MACF1: variants seen among roughly 807,000 people sequenced by gnomAD.
MACF1 encodes microtubule-actin cross-linking factor 1.
A neutral mutation model predicts 854.8 loss-of-function variants in MACF1; 193 were observed. That is an observed-to-expected ratio of 0.23 (90% CI 0.20 to 0.25). The LOEUF (loss-of-function observed/expected upper bound fraction) is 0.25. Among genes scored for constraint, MACF1 ranks in the 10% least tolerant of loss-of-function variants. The probability of loss-of-function intolerance (pLI) is 1.00; values close to 1 mark genes in which losing one functional copy is unlikely to be tolerated. For synonymous variants in MACF1, 3,185 were observed against 3,226.7 expected (o/e 0.99, Z 0.44); for missense variants, 7,722 against 8,929.1 (o/e 0.86, Z 5.45).
chr1:39,405,791 A>G (rs988569096), intron 58 of MACF1, among the ~76,000 whole-genome samples: 2 of 152,184 alleles, frequency 1.3e-5, no homozygotes, highest in Admixed American at 1.3e-4. Context: ...TTGTGGTTAC[A>G]GGGGTGGGGG....
At chr1:39,289,823 T>A (rs566807260) in intron 15 of MACF1, among the ~76,000 whole-genome samples, 1 of 146,220 alleles carries the variant, frequency 6.8e-6, no homozygotes, top group African/African-American at 2.5e-5. Flanking sequence ...TGCCTCAGCC[T>A]CCCAAGTAGC....
chr1:39,192,417 T>C lies in MACF1; in HGVS notation c.221-38765T>C, dbSNP rs1297680734. Among the ~76,000 whole-genome samples the C allele has an allele frequency of 3.9e-5, 6 of 152,244 alleles. No individual in the cohort carries two copies. The East Asian group carries it at 1.2e-3, about 29-fold the overall frequency. ...CTGCTATTTTCTCTATAAGGACTCA[T>C]CACAAAACCATAAATACTGACGATC... On this transcript the variant is annotated intron_variant, in intron 2 of 93. Coordinates refer to the MACF1 transcript ENST00000361689.
chr1:39,090,563 G>C (rs1406811528), intron 2 of MACF1, among the ~76,000 whole-genome samples: 1 of 152,210 alleles, frequency 6.6e-6, no homozygotes, highest in Non-Finnish European at 1.5e-5. Context: ...GGATTGCAAG[G>C]TGTAATGCCA....
At chr1:39,205,342 T>A (rs74904033) in intron 1 of MACF1, among the ~76,000 whole-genome samples, 3 of 152,252 alleles carry the variant, frequency 2.0e-5, no homozygotes, top group African/African-American at 7.2e-5. Context: ...TGCTCTTTTC[T>A]GTTCTGTGAG....
At chr1:39,310,558 G>T in intron 25 of MACF1, 130 bp downstream of exon 25, 1 of 1,004,356 alleles carries the variant, frequency 1.0e-6, no homozygotes. Flanking sequence ...ACGAACTTGA[G>T]ATAGAGAAGA....
chr1:39,146,219 G>T (rs193284438), intron 2 of MACF1, among the ~76,000 whole-genome samples: 6 of 152,254 alleles, frequency 3.9e-5, no homozygotes, highest in Non-Finnish European at 8.8e-5. Flanking sequence ...GAGGTGGGTG[G>T]ATCATTTGAG....
intron 58 of MACF1, chr1:39,414,291 TTC>T: frequency 6.2e-7 from 1 of 1,614,020 alleles, no homozygotes; most frequent in Non-Finnish European, 8.5e-7. Context: ...TCCTGGGAGT[TTC>T]TGCCCACACT....
rs773195922 is a variant in MACF1 at position 39,387,658 on chromosome 1, A to T, written c.14816A>T (p.Glu4939Val). 2 of 1,614,214 alleles carry T rather than the reference A, an allele frequency of 1.2e-6. No homozygotes were observed. The highest frequency in any genetic ancestry group is 1.7e-6 in the Non-Finnish European group (2 of 1,180,034). The change falls in exon 58 of 101, where the codon GAG becomes GTG. Residue 4939 changes from glutamate to valine, a missense_variant. Around this residue, in one of 15 missense-constraint regions of MACF1, gnomAD observed 2,807 missense variants for 3,235.8 expected, o/e 0.87. Coordinates refer to ENST00000564288, the MANE Select transcript of MACF1 (RefSeq NM_001394062.1). Reference protein sequence around the residue: ...LRVTLDPVQLESSLLRSKAML... With the variant: ...LRVTLDPVQLVSSLLRSKAML... ...GTCACTCTGGATCCAGTGCAGCTAG[A>T]GTCCAGTCTCCTAAGATCAAAGGCT...
rs1164800117 is a variant in MACF1, at chr1:39,105,262, C to G, written c.220+20824C>G. 2.5e-6 allele frequency: 1 copy of G among 393,282 alleles called. No individual in the cohort carries two copies. Among genetic ancestry groups the G allele is most frequent in the Non-Finnish European group, 3.5e-6 (1 of 289,628 alleles). 24.4% of individuals were successfully genotyped at this position (393,282 alleles called of 1,614,324 possible). ...CTGGGGCCGAGGACTCGCCGGGACCCGGAGGCGGCGGGGAGAGGGGGCGGG... is the reference window on the plus strand; with the variant it reads ...CTGGGGCCGAGGACTCGCCGGGACCGGGAGGCGGCGGGGAGAGGGGGCGGG... On this transcript the variant is annotated intron_variant, in intron 2 of 93. Coordinates refer to the MACF1 transcript ENST00000361689. The surrounding 1 kb of genome is among the most constrained non-coding windows in gnomAD (Gnocchi z 5.9).
chr1:39,332,885 T>TA lies in MACF1; in HGVS notation c.6300dup (p.Val2101SerfsTer38). 6.2e-7 allele frequency: 1 copy of TA among 1,613,928 alleles called. No individual in the cohort carries two copies. Among genetic ancestry groups the TA allele is most frequent in the South Asian group, 1.1e-5 (1 of 91,066 alleles). On this transcript the variant is annotated frameshift_variant, in exon 37 of 101. Transcript: ENST00000564288. LOFTEE classifies it high-confidence loss of function. ...ACATTGATGCTTTGAAGGTAATAAA[T>TA]AAAGTCAAATTAGAGGTACAAAGGC...
intron 29 of MACF1, among the ~76,000 whole-genome samples, chr1:39,317,876 T>C (rs979504614): frequency 6.6e-6 from 1 of 152,214 alleles, no homozygotes; most frequent in African/African-American, 2.4e-5. Context: ...GGACAGAAAC[T>C]GCACCTTTTG....
chr1:39,327,174 T>A, intron 35 of MACF1, 44 bp from the exon 36 acceptor site: 1 of 1,505,442 alleles, frequency 6.6e-7, no homozygotes, highest in Non-Finnish European at 9.0e-7. Context: ...GTTTGGAGAT[T>A]GTTTTTTTTT....
intron 88 of MACF1, among the ~76,000 whole-genome samples, chr1:39,454,161 C>T (rs891574327): frequency 3.3e-5 from 5 of 152,208 alleles, no homozygotes; most frequent in African/African-American, 1.2e-4. Flanking sequence ...CTGCACAGGT[C>T]CACTTATATG....
intron 2 of MACF1, among the ~76,000 whole-genome samples, chr1:39,093,073 C>T (rs559001095): frequency 2.6e-5 from 4 of 152,066 alleles, no homozygotes; most frequent in Admixed American, 1.3e-4. Context: ...TGTGAGCCAC[C>T]GCGCCTGGCA....
At chr1:39,366,875 C>T (rs957528240) in intron 49 of MACF1, among the ~76,000 whole-genome samples, 5 of 150,022 alleles carry the variant, frequency 3.3e-5, no homozygotes, top group African/African-American at 1.2e-4. Flanking sequence ...AACTCCTGAA[C>T]TCAAGTGATC....
Position 39,448,086 on chromosome 1 carries a change from C to T in MACF1, c.20022C>T (p.His6674=), listed in dbSNP as rs1644264214. ...LIDWLEDAES[H]LDSELEISND... is the part of the protein sequence containing the mutation. ...ACTGGCTAGAAGATGCAGAGAGTCA[C>T]CTGGACTCAGAACTAGAGATATCCA... The change falls in exon 83 of 101, where the codon CAC becomes CAT. Residue 6674 remains histidine, a synonymous_variant. Transcript: ENST00000564288. The T allele has an allele frequency of 6.2e-7, 1 of 1,613,842 alleles. No homozygotes were observed. The highest frequency in any genetic ancestry group is 1.1e-5 in the South Asian group (1 of 91,076).
intron 2 of MACF1, among the ~76,000 whole-genome samples, chr1:39,245,677 C>T (rs1644974515): frequency 6.6e-6 from 1 of 152,138 alleles, no homozygotes; most frequent in African/African-American, 2.4e-5. Context: ...TGTTTGTACC[C>T]AGGAGTTCGA....
chr1:39,415,941 A>T (rs968521775), intron 58 of MACF1, among the ~76,000 whole-genome samples: 42 of 152,322 alleles, frequency 2.8e-4, no homozygotes, highest in Middle Eastern at 3.4e-3. Flanking sequence ...TGACTGACTG[A>T]CTGAATGCAT....
chr1:39,161,428 G>T (rs1643796392), intron 2 of MACF1, among the ~76,000 whole-genome samples: 1 of 152,168 alleles, frequency 6.6e-6, no homozygotes, highest in Admixed American at 6.5e-5. Context: ...TAATGGCCAG[G>T]TGCAGTGTCT....
Sources: allele counts gnomAD v4.1 joint callset (sites outside exome capture counted in the v4.1 genomes callset), GRCh38; gene constraint gnomAD v4.1.1; regional missense constraint gnomAD v4.1.1; non-coding constraint Gnocchi (gnomAD v3.1); transcripts MANE v1.5; gene names NCBI Gene and HGNC (gene_info 2026-07-23, HGNC 2026-07-21).